Variants in DEUP1 observed in about 807,000 individuals in gnomAD.
DEUP1 encodes deuterosome assembly protein 1.
A neutral mutation model predicts 87.4 loss-of-function variants in DEUP1; 82 were observed. The ratio of observed to expected loss-of-function variants is 0.94; its 90% confidence interval spans 0.78 to 1.13. The LOEUF is 1.13. Among genes scored for constraint, DEUP1 ranks in the 50% most tolerant of loss-of-function variants. The pLI is 0.00. For synonymous variants in DEUP1, 214 were observed against 222.7 expected (o/e 0.96, Z 0.35); for missense variants, 663 against 681.5 (o/e 0.97, Z 0.30).
intron 7 of DEUP1, among the ~76,000 whole-genome samples, chr11:93,376,052 C>T (rs1171507675): frequency 6.6e-6 from 1 of 152,150 alleles, no homozygotes; most frequent in Non-Finnish European, 1.5e-5. Context: ...CTGGTTCAAG[C>T]AATTCTTCTA....
intron 2 of DEUP1, among the ~76,000 whole-genome samples, chr11:93,349,198 T>C (rs1052277672): frequency 9.9e-5 from 15 of 152,192 alleles, no homozygotes; most frequent in South Asian, 4.1e-4. Context: ...GCTTAATGAA[T>C]GTTTGCTGAA....
At position 93,415,655 on chromosome 11, in the gene DEUP1, T is replaced by A. The variant is rs550850289; in HGVS notation, c.1638+541T>A. Among the ~76,000 whole-genome samples, 3 of 152,006 alleles carry A rather than the reference T, an allele frequency of 2.0e-5. No individual in the cohort carries two copies. The East Asian group carries it at 5.8e-4, about 30-fold the overall frequency. The stretch of plus-strand genomic sequence containing the variant: ...TCTCTACTTCTGCTTGCTCCCGACA[T>A]AACCACTATCCTGACTTTTAGCATT... On this transcript the variant is annotated intron_variant, in intron 13 of 13. Transcript: ENST00000298050.
At chr11:93,344,599 T>C (rs960685547) in intron 2 of DEUP1, among the ~76,000 whole-genome samples, 2 of 152,132 alleles carry the variant, frequency 1.3e-5, no homozygotes, top group African/African-American at 4.8e-5. Flanking sequence ...ATTTTAGATA[T>C]CTCATGTATT....
intron 1 of DEUP1, 136 bp from the exon 2 acceptor site, chr11:93,332,080 C>G (rs1394832423): frequency 5.9e-6 from 3 of 510,864 alleles, no homozygotes; most frequent in Non-Finnish European, 7.0e-6. Context: ...ACTCAGGTTT[C>G]TATATTTTGT....
At chr11:93,336,959 T>C (rs893523543) in intron 2 of DEUP1, among the ~76,000 whole-genome samples, 12 of 152,242 alleles carry the variant, frequency 7.9e-5, no homozygotes, top group African/African-American at 2.9e-4. Context: ...GCATACATCT[T>C]CAACCAAATT....
chr11:93,385,876 G>C (rs1270099070), intron 8 of DEUP1, among the ~76,000 whole-genome samples: 1 of 151,822 alleles, frequency 6.6e-6, no homozygotes, highest in Non-Finnish European at 1.5e-5. Context: ...AACATAGTGA[G>C]ACCCTGACTC....
At chr11:93,353,808 G>A (rs1237926521) in intron 2 of DEUP1, among the ~76,000 whole-genome samples, 1 of 152,214 alleles carries the variant, frequency 6.6e-6, no homozygotes, top group African/African-American at 2.4e-5. Context: ...CAAGTCCCTA[G>A]GCTGCACACG....
chr11:93,399,581 AAAAT>A (rs1304686629), intron 11 of DEUP1, among the ~76,000 whole-genome samples: 2 of 151,834 alleles, frequency 1.3e-5, no homozygotes, highest in Non-Finnish European at 2.9e-5. Flanking sequence ...AATAAAAAAT[AAAAT>A]AAATAACAAA....
intron 7 of DEUP1, among the ~76,000 whole-genome samples, chr11:93,373,612 TGTATATATATACGTATATATATATATATA>T (rs1194758585): frequency 4.6e-5 from 4 of 86,730 alleles, no homozygotes; most frequent in African/African-American, 1.4e-4. Context: ...TATTTATATA[TGTATATATATACGTATATATATATATATA>T]TATATATATA....
intron 13 of DEUP1, among the ~76,000 whole-genome samples, chr11:93,435,813 G>C (rs1948226621): frequency 6.6e-6 from 1 of 152,180 alleles, no homozygotes; most frequent in Admixed American, 6.5e-5. Flanking sequence ...TGGCTAACAT[G>C]GTGAAACCCC....
intron 7 of DEUP1, among the ~76,000 whole-genome samples, chr11:93,377,855 T>G (rs1293340249): frequency 1.3e-5 from 2 of 152,200 alleles, no homozygotes; most frequent in Non-Finnish European, 2.9e-5. Flanking sequence ...CTTTCCTTCA[T>G]TTATGAAGCT....
At chr11:93,428,843 A>G (rs1288566522) in intron 13 of DEUP1, among the ~76,000 whole-genome samples, 4 of 152,172 alleles carry the variant, frequency 2.6e-5, no homozygotes, top group Non-Finnish European at 5.9e-5. Flanking sequence ...GAAATCATAA[A>G]TTAAAAAGAA....
intron 7 of DEUP1, chr11:93,383,732 T>C: frequency 2.0e-6 from 1 of 499,678 alleles, no homozygotes; most frequent in East Asian, 3.2e-5. Flanking sequence ...TAAAATATAG[T>C]GTTTTCTATA....
chr11:93,355,163 T>C (rs557314407), intron 2 of DEUP1, among the ~76,000 whole-genome samples: 1 of 152,362 alleles, frequency 6.6e-6, no homozygotes, highest in Admixed American at 6.5e-5. Context: ...CAATGTTATT[T>C]TAAAAAATTA....
At chr11:93,396,991 A>G (rs57942067) in intron 11 of DEUP1, among the ~76,000 whole-genome samples, 38,242 of 151,948 alleles carry the variant, frequency 0.25, 5,110 homozygotes, top group South Asian at 0.38. Flanking sequence ...TTGATTTTAT[A>G]TGAGAATTTT....
chr11:93,417,217 T>A lies in DEUP1; in HGVS notation c.1638+2103T>A, dbSNP rs547665237. On this transcript the variant is annotated intron_variant, in intron 13 of 13. Transcript: ENST00000298050. ...GGAGAAGGAAATAAAGGGTATTCAATTAGGAAAAGAGGAAGTCAAATTGTC... is the reference window on the plus strand; with the variant it reads ...GGAGAAGGAAATAAAGGGTATTCAAATAGGAAAAGAGGAAGTCAAATTGTC... Among the ~76,000 whole-genome samples the A allele has an allele frequency of 8.9e-4, 131 of 146,386 alleles. 1 individual carries two copies. Among genetic ancestry groups the A allele is most frequent in the Middle Eastern group, 3.4e-3 (1 of 290 alleles).
At chr11:93,332,937 T>C (rs1304177978) in intron 2 of DEUP1, among the ~76,000 whole-genome samples, 1 of 152,138 alleles carries the variant, frequency 6.6e-6, no homozygotes, top group Admixed American at 6.6e-5. Flanking sequence ...GAAGGGGTGG[T>C]TGTATAGTGC....
rs191557306 is a variant in DEUP1 at position 93,429,714 on chromosome 11, C to T, written c.1639-7829C>T. 2.0e-3 allele frequency among the ~76,000 whole-genome samples: 304 copies of T among 152,212 alleles called. 2 individuals are homozygous for T. Among genetic ancestry groups the T allele is most frequent in the South Asian group, 3.9e-3 (19 of 4,820 alleles). Reference sequence around the variant, plus strand: ...TTTTTGTTTTTGTGGTAACCCAACACCTAAAATAGGGTCAGCACTAGTAGG... The same window carrying T: ...TTTTTGTTTTTGTGGTAACCCAACATCTAAAATAGGGTCAGCACTAGTAGG... On this transcript the variant is annotated intron_variant, in intron 13 of 13. Transcript: ENST00000298050.
intron 2 of DEUP1, among the ~76,000 whole-genome samples, chr11:93,350,443 T>G (rs1219914118): frequency 6.6e-6 from 1 of 152,162 alleles, no homozygotes; most frequent in African/African-American, 2.4e-5. Context: ...CACATTACTG[T>G]CTAGCTACAA....
Sources: gnomAD v4.1 joint callset for allele counts (sites outside exome capture counted in the v4.1 genomes callset) on GRCh38, gnomAD v4.1.1 for gene constraint, MANE v1.5 for transcripts, NCBI Gene and HGNC (gene_info 2026-07-23, HGNC 2026-07-21) for gene names.